The following RBFOX1 variants were observed in gnomAD, a reference collection of about 807,000 sequenced individuals.
RBFOX1 encodes RNA binding fox-1 homolog 1.
Under a neutral mutation model 57.7 loss-of-function variants are expected in RBFOX1, and 8 were observed. That is an observed-to-expected ratio of 0.14 (90% confidence interval 0.08 to 0.25). The LOEUF (loss-of-function observed/expected upper bound fraction) is 0.25. Among genes scored for constraint, RBFOX1 ranks in the 10% least tolerant of loss-of-function variants. The pLI, the probability that RBFOX1 is intolerant of heterozygous loss-of-function variation, is 1.00. For missense variants in RBFOX1, 611 were observed against 548.5 expected (o/e 1.11, Z -1.14); for synonymous variants, 326 against 222.4 (o/e 1.47, Z -4.15).
At chr16:5,638,170 G>C (rs139403981) in intron 3 of RBFOX1, among the ~76,000 whole-genome samples, 175 of 152,306 alleles carry the variant, frequency 1.1e-3, no homozygotes, top group African/African-American at 3.9e-3. Flanking sequence ...CCCTGTGGAG[G>C]GGGTGCAGTG....
chr16:6,888,555 T>C (rs949107152), intron 3 of RBFOX1, among the ~76,000 whole-genome samples: 1 of 152,130 alleles, frequency 6.6e-6, no homozygotes, highest in African/African-American at 2.4e-5. Flanking sequence ...TTACTTGCTG[T>C]TTGTCCTCTG....
chr16:5,684,808 A>G (rs918780664), intron 3 of RBFOX1, among the ~76,000 whole-genome samples: 1 of 152,046 alleles, frequency 6.6e-6, no homozygotes, highest in Non-Finnish European at 1.5e-5. Flanking sequence ...GTGTATCTCT[A>G]CTTTAGGGTT....
chr16:7,698,021 C>G (rs757698577), intron 14 of RBFOX1, among the ~76,000 whole-genome samples: 1 of 151,992 alleles, frequency 6.6e-6, no homozygotes, highest in Non-Finnish European at 1.5e-5. Context: ...AAGCATGTTG[C>G]GTATTAGGGA....
chr16:6,948,735 A>G (rs1368620602), intron 3 of RBFOX1, among the ~76,000 whole-genome samples: 2 of 152,100 alleles, frequency 1.3e-5, no homozygotes, highest in African/African-American at 4.8e-5. Context: ...ATGTTTTGAA[A>G]TGTTCACTAC....
chr16:5,984,036 TTCC>T (rs950985975), intron 4 of RBFOX1, among the ~76,000 whole-genome samples: 1 of 126,758 alleles, frequency 7.9e-6, no homozygotes, highest in Non-Finnish European at 1.7e-5. Flanking sequence ...TTCCTTCTTC[TTCC>T]TCCTCTTCTT....
At chr16:5,626,338 T>C (rs749345676) in intron 3 of RBFOX1, among the ~76,000 whole-genome samples, 24 of 152,214 alleles carry the variant, frequency 1.6e-4, no homozygotes, top group Admixed American at 7.2e-4. Flanking sequence ...TGTCTTCATG[T>C]AGGCTTTCTG....
chr16:6,657,830 T>C (rs2098670903), intron 3 of RBFOX1, among the ~76,000 whole-genome samples: 1 of 152,006 alleles, frequency 6.6e-6, no homozygotes, highest in Non-Finnish European at 1.5e-5. Context: ...GCTCTTTTTA[T>C]TTTATTTTAT....
At chr16:6,558,066 C>G (rs969368643) in intron 2 of RBFOX1, among the ~76,000 whole-genome samples, 14 of 152,120 alleles carry the variant, frequency 9.2e-5, no homozygotes, top group Admixed American at 7.2e-4. Context: ...TTTTAAGGCT[C>G]TCTATGTTAG....
intron 2 of RBFOX1, among the ~76,000 whole-genome samples, chr16:6,471,367 C>A (rs1249298504): frequency 6.6e-6 from 1 of 152,164 alleles, no homozygotes; most frequent in Non-Finnish European, 1.5e-5. Flanking sequence ...TCCATTCTGT[C>A]ATCTAGTACG....
intron 1 of RBFOX1, among the ~76,000 whole-genome samples, chr16:5,300,431 G>A (rs2063775535): frequency 6.6e-6 from 1 of 151,960 alleles, no homozygotes; most frequent in African/African-American, 2.4e-5. Flanking sequence ...GGTGATGAGT[G>A]CATCAAAATC....
intron 1 of RBFOX1, among the ~76,000 whole-genome samples, chr16:6,165,201 G>A (rs1049133591): frequency 3.3e-5 from 5 of 152,038 alleles, no homozygotes; most frequent in Non-Finnish European, 7.4e-5. Flanking sequence ...CCCTGTAGAC[G>A]GAACAAGATA....
Position 5,956,175 on chromosome 16 carries a change from G to C in RBFOX1, c.351+88840G>C, listed in dbSNP as rs546895839. On this transcript the variant is annotated intron_variant, in intron 4 of 19. Transcript: ENST00000641259. ...CCTGTACCCTCAGCTGCTCCAGAGGGTGAGGCACGAGGATTGCTTGAACCC... is the reference window on the plus strand; with the variant it reads ...CCTGTACCCTCAGCTGCTCCAGAGGCTGAGGCACGAGGATTGCTTGAACCC... 9.9e-5 allele frequency among the ~76,000 whole-genome samples: 15 copies of C among 152,180 alleles called. No homozygotes were observed. The South Asian group carries it at 3.1e-3, about 32-fold the overall frequency.
chr16:6,344,296 C>T (rs575633228), intron 2 of RBFOX1, among the ~76,000 whole-genome samples: 1 of 152,150 alleles, frequency 6.6e-6, no homozygotes, highest in East Asian at 1.9e-4. Context: ...AGTGATCCAC[C>T]CACCTTGGCC....
intron 1 of RBFOX1, among the ~76,000 whole-genome samples, chr16:6,206,986 C>CTTT (rs35769347): frequency 1.1e-3 from 166 of 145,924 alleles, no homozygotes; most frequent in Admixed American, 1.7e-3. Flanking sequence ...CAGAAAGCTA[C>CTTT]TTTTTTTTTT....
intron 4 of RBFOX1, among the ~76,000 whole-genome samples, chr16:5,985,620 G>A (rs1421906012): frequency 1.3e-5 from 2 of 152,148 alleles, no homozygotes; most frequent in African/African-American, 2.4e-5. Context: ...CCCAGGGGAG[G>A]GGGAGCACCT....
rs554462697 is a variant in RBFOX1, at chr16:6,864,627, G to C, written c.-15-187430G>C. Among the ~76,000 whole-genome samples the C allele has an allele frequency of 5.3e-5, 8 of 151,238 alleles. No individual in the cohort carries two copies. The Middle Eastern group carries it at 0.017, about 322-fold the overall frequency. ...AACGGCAGGATATTTGAGAATCAAG[G>C]ATCTGATTCAAATGTTTTATTTGTT... On this transcript the variant is annotated intron_variant, in intron 3 of 15. Transcript: ENST00000550418.
chr16:6,996,006 C>G (rs539347848), intron 3 of RBFOX1, among the ~76,000 whole-genome samples: 15 of 152,300 alleles, frequency 9.8e-5, no homozygotes, highest in Non-Finnish European at 1.5e-5. Context: ...TTATAGCATA[C>G]AAATCTAAAC....
At chr16:5,677,478 G>A (rs916183358) in intron 3 of RBFOX1, among the ~76,000 whole-genome samples, 11 of 152,188 alleles carry the variant, frequency 7.2e-5, no homozygotes, top group African/African-American at 2.4e-4. Context: ...GTGATTAGGA[G>A]TGAAGGATAG....
At chr16:6,389,356 A>C (rs1450710676) in intron 2 of RBFOX1, among the ~76,000 whole-genome samples, 1 of 152,062 alleles carries the variant, frequency 6.6e-6, no homozygotes, top group Non-Finnish European at 1.5e-5. Context: ...CATATCCTTC[A>C]TTTTTTTGTG....
Sources: allele counts gnomAD v4.1 joint callset (sites outside exome capture counted in the v4.1 genomes callset), GRCh38; gene constraint gnomAD v4.1.1; transcripts MANE v1.5; gene names NCBI Gene and HGNC (gene_info 2026-07-23, HGNC 2026-07-21).